CCDC91: variants seen among roughly 807,000 people sequenced by gnomAD.
CCDC91 encodes the protein coiled-coil domain containing 91.
CCDC91 carries 48 observed loss-of-function variants against 63.2 expected under a neutral mutation model. That is an observed-to-expected ratio of 0.76 (90% CI 0.60 to 0.97). The LOEUF (loss-of-function observed/expected upper bound fraction) is 0.97, where lower values mean the gene tolerates loss of function less well. CCDC91 is among the 50% of genes least tolerant of loss of function. The pLI is 0.00. For synonymous variants in CCDC91, 167 were observed against 165.8 expected, an observed-to-expected ratio of 1.01 and a Z score of -0.06; for missense variants, 500 against 494.6, an observed-to-expected ratio of 1.01 and a Z score of -0.10.
chr12:28,451,875 G>C (rs180820439), intron 10 of CCDC91, among the ~76,000 whole-genome samples: 4 of 151,490 alleles, frequency 2.6e-5, no homozygotes, highest in Non-Finnish European at 5.9e-5. Context: ...CAACCTATCT[G>C]TGTGAGACTG....
chr12:28,241,285 C>G (rs1222585410), intron 1 of CCDC91, among the ~76,000 whole-genome samples: 1 of 152,114 alleles, frequency 6.6e-6, no homozygotes, highest in Non-Finnish European at 1.5e-5. Context: ...AAACCATATC[C>G]TTGGTCATAA....
intron 8 of CCDC91, among the ~76,000 whole-genome samples, chr12:28,398,711 G>A (rs1349524662): frequency 6.6e-6 from 1 of 152,150 alleles, no homozygotes; most frequent in Non-Finnish European, 1.5e-5. Flanking sequence ...AGCTTTGGGG[G>A]AATGGGGTGT....
At chr12:28,436,407 G>T (rs909453126) in intron 8 of CCDC91, among the ~76,000 whole-genome samples, 1 of 151,386 alleles carries the variant, frequency 6.6e-6, no homozygotes, top group Non-Finnish European at 1.5e-5. Context: ...CTTCCATTCT[G>T]TCCCTTGTAT....
chr12:28,440,705 A>G (rs1949140189), intron 8 of CCDC91, among the ~76,000 whole-genome samples: 1 of 152,178 alleles, frequency 6.6e-6, no homozygotes, highest in Non-Finnish European at 1.5e-5. Flanking sequence ...TTATATCCAG[A>G]GTATATAAAT....
At chr12:28,280,756 A>C (rs1948551736) in intron 3 of CCDC91, among the ~76,000 whole-genome samples, 1 of 151,718 alleles carries the variant, frequency 6.6e-6, no homozygotes, top group African/African-American at 2.4e-5. Flanking sequence ...AGGCAAGAAG[A>C]TCACTTGGGG....
chr12:28,247,969 C>T (rs530085306), intron 1 of CCDC91, among the ~76,000 whole-genome samples: 1 of 152,304 alleles, frequency 6.6e-6, no homozygotes, highest in African/African-American at 2.4e-5. Flanking sequence ...GGAGGCAGAG[C>T]TCAGGTGGTA....
intron 1 of CCDC91, 181 bp from the exon 2 acceptor site, chr12:28,257,020 AC>A (rs1946500846): frequency 2.1e-6 from 1 of 469,758 alleles, no homozygotes; most frequent in African/African-American, 2.0e-5. Context: ...TGAAAAAGTT[AC>A]AGAAATTGCT....
chr12:28,355,910 G>A (rs1943492619), intron 6 of CCDC91, among the ~76,000 whole-genome samples: 1 of 152,134 alleles, frequency 6.6e-6, no homozygotes, highest in African/African-American at 2.4e-5. Context: ...TCTTACTCTA[G>A]AGGGACAATC....
chr12:28,283,046 C>A (rs1448368332), intron 3 of CCDC91, among the ~76,000 whole-genome samples: 1 of 152,046 alleles, frequency 6.6e-6, no homozygotes, highest in Non-Finnish European at 1.5e-5. Context: ...TCTAGGTTCT[C>A]CATTCTGTTC....
intron 8 of CCDC91, among the ~76,000 whole-genome samples, chr12:28,408,191 G>C (rs1025428769): frequency 3.3e-5 from 5 of 151,956 alleles, no homozygotes; most frequent in Non-Finnish European, 7.4e-5. Flanking sequence ...GTGTCCATGT[G>C]TTCTCATTGT....
intron 11 of CCDC91, among the ~76,000 whole-genome samples, chr12:28,462,043 A>G (rs1196629566): frequency 2.0e-5 from 3 of 151,744 alleles, no homozygotes; most frequent in African/African-American, 7.3e-5. Flanking sequence ...ATTCATAAGG[A>G]TGCTGCAAGT....
At chr12:28,365,702 A>G (rs1944227569) in intron 7 of CCDC91, among the ~76,000 whole-genome samples, 1 of 152,216 alleles carries the variant, frequency 6.6e-6, no homozygotes, top group African/African-American at 2.4e-5. Context: ...TCAGTGGGAT[A>G]TAATTCCATA....
intron 1 of CCDC91, among the ~76,000 whole-genome samples, chr12:28,231,048 A>C (rs781692533): frequency 3.3e-5 from 5 of 152,172 alleles, no homozygotes; most frequent in Non-Finnish European, 7.4e-5. Flanking sequence ...TAGATGTGAA[A>C]TGTTTGATAG....
In CCDC91 at chr12:28,306,810, T is replaced by A; in HGVS notation, c.336T>A (p.Ser112Arg). 6.2e-7 allele frequency: 1 copy of A among 1,612,182 alleles called. No individual in the cohort carries two copies. Among genetic ancestry groups the A allele is most frequent in the Non-Finnish European group, 8.5e-7 (1 of 1,178,698 alleles). ...LFPLGLTDEK[S>R]NGTIALVDDS... ...CATTGGGTTTAACTGATGAAAAAAGTAATGGAACAATTGCCCTTGTGGATG... is the reference window on the plus strand; with the variant it reads ...CATTGGGTTTAACTGATGAAAAAAGAAATGGAACAATTGCCCTTGTGGATG... Residue 112 changes from serine to arginine, a missense_variant, in exon 5 of 13, where the codon AGT (serine) becomes AGA (arginine). Physicochemically the swap from Ser to Arg is moderately radical, Grantham distance 110. Transcript: ENST00000536442.
chr12:28,525,035 T>G (rs575200379), intron 12 of CCDC91, among the ~76,000 whole-genome samples: 1 of 152,290 alleles, frequency 6.6e-6, no homozygotes, highest in East Asian at 1.9e-4. Context: ...TATTTATCGT[T>G]TCAAAGAACC....
At chr12:28,312,539 T>C (rs1383628235) in intron 6 of CCDC91, among the ~76,000 whole-genome samples, 1 of 152,090 alleles carries the variant, frequency 6.6e-6, no homozygotes, top group Non-Finnish European at 1.5e-5. Flanking sequence ...TAATAATTTC[T>C]TAGGAATAAG....
chr12:28,464,864 G>C (rs1365035290), intron 11 of CCDC91, among the ~76,000 whole-genome samples: 1 of 152,088 alleles, frequency 6.6e-6, no homozygotes, highest in Non-Finnish European at 1.5e-5. Flanking sequence ...GTCTCAGTGG[G>C]GTAGAGCACC....
intron 1 of CCDC91, among the ~76,000 whole-genome samples, chr12:28,194,590 T>G (rs1266075280): frequency 6.6e-6 from 1 of 151,894 alleles, no homozygotes; most frequent in Admixed American, 6.5e-5. Context: ...TTCCTCCTGG[T>G]GGGTTTGTGG....
At chr12:28,371,642 A>G (rs1279906003) in intron 7 of CCDC91, among the ~76,000 whole-genome samples, 3 of 152,218 alleles carry the variant, frequency 2.0e-5, no homozygotes, top group Non-Finnish European at 4.4e-5. Flanking sequence ...GCTGTCATTT[A>G]AAATTACCCT....
Sources: gnomAD v4.1 joint callset for allele counts (sites outside exome capture counted in the v4.1 genomes callset) on GRCh38, gnomAD v4.1.1 for gene constraint, MANE v1.5 for transcripts, NCBI Gene and HGNC (gene_info 2026-07-23, HGNC 2026-07-21) for gene names.